Variants in RYR1 observed in about 807,000 individuals in gnomAD.
RYR1 encodes the protein central core disease of muscle.
Under a neutral mutation model 583.5 loss-of-function variants are expected in RYR1, and 342 were observed. That is an observed-to-expected ratio of 0.59 (90% CI 0.54 to 0.64). The LOEUF is 0.64. Among genes scored for constraint, RYR1 ranks in the 30% least tolerant of loss-of-function variants. RYR1 has a pLI of 0.00. For missense variants in RYR1, 6,032 were observed against 6,917.2 expected (o/e 0.87, Z 4.54); for synonymous variants, 2,791 against 2,822.5 (o/e 0.99, Z 0.35).
Position 38,440,770 on chromosome 19 carries a change from G to C in RYR1, c.71G>C (p.Ser24Thr). 1 of 1,608,660 alleles carries C rather than the reference G, an allele frequency of 6.2e-7. No individual in the cohort carries two copies. The highest frequency in any genetic ancestry group is 8.5e-7 in the Non-Finnish European group (1 of 1,178,584). Residue 24 changes from serine (S) to threonine (T), a missense_variant, in exon 2 of 106, where the codon AGC becomes ACC. Coordinates refer to ENST00000359596, the MANE Select transcript of RYR1 (RefSeq NM_000540.3). The part of the protein sequence containing the change: ...RTDDEVVLQC[S>T]ATVLKEQLKL... The stretch of plus-strand genomic sequence containing the variant: ...GACGATGAGGTGGTCCTGCAGTGCA[G>C]CGCTACCGTGCTCAAGGAGCAGCTC...
chr19:38,578,431 G>A (rs982366199), intron 99 of RYR1, among the ~76,000 whole-genome samples: 2 of 152,200 alleles, frequency 1.3e-5, no homozygotes, highest in East Asian at 1.9e-4. Flanking sequence ...GGTGGCTCAC[G>A]CCTGTACTCC....
At position 38,519,344 on chromosome 19, in the gene RYR1, C is replaced by G. The variant is rs771900355; in HGVS notation, c.10149C>G (p.Ala3383=). 1.9e-6 allele frequency: 3 copies of G among 1,612,822 alleles called. No individual in the cohort carries two copies. The highest frequency in any genetic ancestry group is 2.5e-6 in the Non-Finnish European group (3 of 1,179,426). Residue 3383 remains alanine, a synonymous_variant, in exon 67 of 106, where the codon GCC becomes GCG. Transcript: ENST00000359596. The part of the protein sequence containing the change: ...VSEEEQLRLE[A]KAEAQEGELL... ...AGGAGGAGCAGCTGCGCCTGGAGGC[C>G]AAGGCGGAGGCCCAGGAGGGCGAGC... is the stretch of plus-strand genomic sequence containing the variant.
At chr19:38,508,601 C>G (rs1437861295) in intron 58 of RYR1, among the ~76,000 whole-genome samples, 1 of 152,152 alleles carries the variant, frequency 6.6e-6, no homozygotes, top group Non-Finnish European at 1.5e-5. Flanking sequence ...CAGAGAGGAG[C>G]TGTGTGGACC....
intron 84 of RYR1, among the ~76,000 whole-genome samples, chr19:38,541,715 C>CA (rs141230545): frequency 0.033 from 4,749 of 142,452 alleles, 212 homozygotes; most frequent in East Asian, 0.14. Context: ...GACTGTATCT[C>CA]AAAAAAAAAA....
At chr19:38,511,527 T>G (rs755235747) in intron 60 of RYR1, 34 bp from the exon 61 acceptor site, 2 of 1,612,824 alleles carry the variant, frequency 1.2e-6, no homozygotes, top group Non-Finnish European at 1.7e-6. Flanking sequence ...CACTCGCTGT[T>G]TCTCCTGCCT....
chr19:38,528,265 C>T, intron 73 of RYR1, 41 bp from the exon 74 acceptor site: 1 of 1,540,802 alleles, frequency 6.5e-7, no homozygotes. Flanking sequence ...GTGAGAGGGG[C>T]AGGGTCTGGG....
rs1242097382 is a variant in RYR1, at chr19:38,455,624, C to A, written c.1673-9C>A. 6.2e-7 allele frequency: 1 copy of A among 1,611,460 alleles called. No individual in the cohort carries two copies. The highest frequency in any genetic ancestry group is 8.5e-7 in the Non-Finnish European group (1 of 1,177,626). ...GCCGCTTCACCTCTCATTCTGGGCA[C>A]CCTGGCAGGCATCCTGGAGGTCCTG... On this transcript the variant is annotated splice_polypyrimidine_tract_variant and intron_variant, in intron 15 of 105. Coordinates refer to ENST00000359596, the MANE Select transcript of RYR1 (RefSeq NM_000540.3).
intron 83 of RYR1, among the ~76,000 whole-genome samples, chr19:38,537,282 G>A (rs887298600): frequency 3.3e-5 from 5 of 152,036 alleles, no homozygotes; most frequent in African/African-American, 1.2e-4. Flanking sequence ...GCCCATTTGC[G>A]GTCTAGCCTC....
In RYR1 at chr19:38,469,119, C is replaced by T. The variant is rs763944786; in HGVS notation, c.3535C>T (p.Arg1179Trp). 40 of 1,614,074 alleles carry T rather than the reference C, an allele frequency of 2.5e-5. No individual in the cohort carries two copies. Among genetic ancestry groups the T allele is most frequent in the East Asian group, 4.5e-5 (2 of 44,892 alleles). The change falls in exon 26 of 106, where the codon CGG (arginine) becomes TGG (tryptophan). Residue 1179 changes from arginine to tryptophan, a missense_variant. By Grantham distance (101) the Arg-to-Trp change is moderately radical. Around this residue, in one of 11 missense-constraint regions of RYR1, gnomAD observed 2,627 missense variants for 2,961.3 expected, o/e 0.89. Coordinates refer to ENST00000359596, the MANE Select transcript of RYR1 (RefSeq NM_000540.3). The stretch of plus-strand genomic sequence containing the variant: ...TGACTCAGGCTCCGAAACAGCCTTC[C>T]GGGAGATTGAGATTGGGGACGGTGA... ...MSDSGSETAF[R>W]EIEIGDGFLP...
chr19:38,484,811 T>G (rs1016939332), intron 33 of RYR1, among the ~76,000 whole-genome samples: 2 of 151,916 alleles, frequency 1.3e-5, no homozygotes, highest in Non-Finnish European at 2.9e-5. Flanking sequence ...CCACATTTTT[T>G]TTTTCTTTTT....
At chr19:38,509,940 T>C (rs1241447231) in intron 58 of RYR1, among the ~76,000 whole-genome samples, 1 of 151,898 alleles carries the variant, frequency 6.6e-6, no homozygotes, top group Non-Finnish European at 1.5e-5. Flanking sequence ...AAAGCACTTA[T>C]GGTGGGTGAG....
chr19:38,459,817 A>G (rs1449421477), intron 19 of RYR1, among the ~76,000 whole-genome samples: 2 of 151,954 alleles, frequency 1.3e-5, no homozygotes, highest in Non-Finnish European at 2.9e-5. Context: ...TACTCTCTCA[A>G]TAATCTCTTA....
In RYR1 at chr19:38,566,937, G is replaced by A. The variant is rs10405232; in HGVS notation, c.13464G>A (p.Pro4488=). The A allele has an allele frequency of 1.4e-3, 2,182 of 1,605,876 alleles. 23 individuals carry two copies. The African/African-American group carries it at 0.025, about 19-fold the overall frequency. ...TGGATGGAGTGGAGGAGGAGCTCCC[G>A]CCAGAGCCAGAGCCCGAGCCGGAAC... ...LGVDGVEEEL[P]PEPEPEPEPE... Residue 4488 remains proline (P), a synonymous_variant, in exon 92 of 106, where the codon CCG becomes CCA. Transcript: ENST00000359596.
At chr19:38,581,860 G>A (rs893314635) in intron 101 of RYR1, among the ~76,000 whole-genome samples, 1 of 151,856 alleles carries the variant, frequency 6.6e-6, no homozygotes, top group African/African-American at 2.4e-5. Flanking sequence ...CACCCACCTC[G>A]GCCTCCCAAA....
Position 38,442,094 on chromosome 19 carries a change from G to A in RYR1, c.166-255G>A, listed in dbSNP as rs1972714926. On this transcript the variant is annotated intron_variant, in intron 2 of 105. Transcript: ENST00000359596. ...GGGTTAGTGGGGAGGGTTAGGGTTA[G>A]GGAAGTTTCTATGGAGTCTGGGTGG... 2.6e-5 allele frequency among the ~76,000 whole-genome samples: 4 copies of A among 151,792 alleles called. No homozygotes were observed. In the South Asian group the frequency reaches 6.3e-4, roughly 24 times the overall value.
rs1969805963 is a variant in RYR1, at chr19:38,496,067, G to A, written c.6549-148G>A. The A allele has an allele frequency of 2.7e-6, 2 of 737,290 alleles. No homozygotes were observed. Among genetic ancestry groups the A allele is most frequent in the African/African-American group, 1.7e-5 (1 of 57,710 alleles). The allele number at this position is 737,290 out of a possible 1,614,324, so 45.7% of individuals were successfully genotyped here. On this transcript the variant is annotated intron_variant, in intron 39 of 105. Coordinates refer to ENST00000359596, the MANE Select transcript of RYR1 (RefSeq NM_000540.3). The surrounding 1 kb of genome is among the most constrained non-coding windows in gnomAD (Gnocchi z 4.8). The stretch of plus-strand genomic sequence containing the variant: ...CATGAGCCACCGCACCCGGCCAGCT[G>A]TAGGAATTGAGTGAGTTCAGATCTG...
At chr19:38,579,107 C>T (rs779567925) in intron 99 of RYR1, among the ~76,000 whole-genome samples, 3 of 149,880 alleles carry the variant, frequency 2.0e-5, no homozygotes, top group Non-Finnish European at 4.4e-5. Context: ...GATAACAGAG[C>T]GAGACCCTGT....
intron 64 of RYR1, 78 bp from the exon 65 acceptor site, chr19:38,516,009 T>C (rs1970950305): frequency 6.7e-7 from 1 of 1,502,746 alleles, no homozygotes; most frequent in African/African-American, 1.4e-5. Context: ...GGAGGAGCCG[T>C]TTCTATGGAG....
At chr19:38,457,431 C>G in intron 16 of RYR1, 66 bp from the exon 17 acceptor site, 4 of 1,613,188 alleles carry the variant, frequency 2.5e-6, no homozygotes, top group Non-Finnish European at 3.4e-6. Context: ...CCCTCCCTCC[C>G]AGGGTTCTTC....
Sources: allele counts gnomAD v4.1 joint callset (sites outside exome capture counted in the v4.1 genomes callset), GRCh38; gene constraint gnomAD v4.1.1; regional missense constraint gnomAD v4.1.1; non-coding constraint Gnocchi (gnomAD v3.1); transcripts MANE v1.5; gene names NCBI Gene and HGNC (gene_info 2026-07-23, HGNC 2026-07-21).